FAM222A: variants seen among roughly 807,000 people sequenced by gnomAD.
FAM222A encodes the protein family with sequence similarity 222 member A, also known as protein FAM222A.
A neutral mutation model predicts 25.8 loss-of-function variants in FAM222A; 7 were observed. That is an observed-to-expected ratio of 0.27 (90% CI 0.15 to 0.51). The LOEUF is 0.51. FAM222A is among the 20% of genes least tolerant of loss of function. The probability of loss-of-function intolerance (pLI) is 0.97; values close to 1 mark genes in which losing one functional copy is unlikely to be tolerated. For missense variants in FAM222A, 573 were observed against 640.5 expected (o/e 0.89, Z 1.14); for synonymous variants, 294 against 298.8 (o/e 0.98, Z 0.17).
Position 109,768,896 on chromosome 12 carries a change from C to T in FAM222A, c.967C>T (p.Arg323Trp), listed in dbSNP as rs749051896. ...GGCTTGCGGGGGCCGGGCATACGAG[C>T]GGGCCAGCGGGTCACCCCTCAACTG... ...PEACGGRAYE[R>W]ASGSPLNCGV... The change falls in exon 3 of 3, where the codon CGG becomes TGG. Residue 323 changes from arginine to tryptophan, a missense_variant. Transcript: ENST00000538780. 3.2e-6 allele frequency: 5 copies of T among 1,580,954 alleles called. No homozygotes were observed. Among genetic ancestry groups the T allele is most frequent in the South Asian group, 2.3e-5 (2 of 88,432 alleles).
intron 2 of FAM222A, among the ~76,000 whole-genome samples, chr12:109,767,241 G>C (rs1889079716): frequency 1.3e-5 from 2 of 151,886 alleles, no homozygotes; most frequent in South Asian, 4.2e-4. Context: ...AGAATAGAAA[G>C]GTTGGGCCAG....
intron 1 of FAM222A, among the ~76,000 whole-genome samples, chr12:109,737,317 C>T (rs1046700078): frequency 6.6e-6 from 1 of 152,266 alleles, no homozygotes; most frequent in South Asian, 2.1e-4. Context: ...TGTCACTTTA[C>T]TTTTTGGTCT....
chr12:109,744,065 C>T (rs1441385961), intron 1 of FAM222A, 36 bp from the exon 2 acceptor site: 1 of 1,547,968 alleles, frequency 6.5e-7, no homozygotes, highest in African/African-American at 1.4e-5. Flanking sequence ...ACGGAGCAGC[C>T]CCCAAGTGAC....
intron 1 of FAM222A, among the ~76,000 whole-genome samples, chr12:109,736,212 G>A (rs530054150): frequency 7.2e-5 from 11 of 152,310 alleles, no homozygotes; most frequent in African/African-American, 2.6e-4. Context: ...TTCTCTGTTT[G>A]CTCCTCTCTC....
chr12:109,724,576 G>A (rs1887807668), intron 1 of FAM222A, among the ~76,000 whole-genome samples: 1 of 152,188 alleles, frequency 6.6e-6, no homozygotes, highest in African/African-American at 2.4e-5. Flanking sequence ...CCCGGGGCCT[G>A]CGTGAGCTTC....
At chr12:109,720,072 T>C (rs914938405) in intron 1 of FAM222A, 1 of 985,054 alleles carries the variant, frequency 1.0e-6, no homozygotes, top group Non-Finnish European at 1.2e-6. Context: ...ATGTGCATAG[T>C]GCTTGCAGGG....
intron 2 of FAM222A, among the ~76,000 whole-genome samples, chr12:109,759,859 G>A (rs1888842300): frequency 6.6e-6 from 1 of 152,206 alleles, no homozygotes; most frequent in South Asian, 2.1e-4. Context: ...GGTGGCAGCT[G>A]CAATTATTTA....
At chr12:109,742,537 G>C (rs1888272861) in intron 1 of FAM222A, among the ~76,000 whole-genome samples, 1 of 152,026 alleles carries the variant, frequency 6.6e-6, no homozygotes, top group Non-Finnish European at 1.5e-5. Context: ...TCTGTGTTAA[G>C]GCTGGCGATT....
chr12:109,724,214 G>A (rs1887801147), intron 1 of FAM222A, among the ~76,000 whole-genome samples: 1 of 152,252 alleles, frequency 6.6e-6, no homozygotes, highest in South Asian at 2.1e-4. Context: ...CTTGGCACGT[G>A]CCATGCCATG....
chr12:109,742,511 C>T (rs1446717411), intron 1 of FAM222A, among the ~76,000 whole-genome samples: 1 of 152,094 alleles, frequency 6.6e-6, no homozygotes, highest in African/African-American at 2.4e-5. Flanking sequence ...GTGGATACTG[C>T]AGCTTTTATT....
intron 1 of FAM222A, among the ~76,000 whole-genome samples, chr12:109,723,845 A>G (rs1887794447): frequency 3.3e-5 from 5 of 152,240 alleles, no homozygotes; most frequent in Admixed American, 3.3e-4. Flanking sequence ...GGTTCAGACA[A>G]CTGACAAATC....
At chr12:109,729,034 C>T (rs1887892191) in intron 1 of FAM222A, among the ~76,000 whole-genome samples, 1 of 151,816 alleles carries the variant, frequency 6.6e-6, no homozygotes, top group Non-Finnish European at 1.5e-5. Flanking sequence ...GCCCAGGACA[C>T]CTTGGCCATT....
chr12:109,748,425 T>C (rs1592791307), intron 2 of FAM222A, among the ~76,000 whole-genome samples: 1 of 151,644 alleles, frequency 6.6e-6, no homozygotes, highest in Non-Finnish European at 1.5e-5. Context: ...TCCTTCTTTC[T>C]CTTTGAACAG....
At chr12:109,729,999 A>G (rs1477387879) in intron 1 of FAM222A, among the ~76,000 whole-genome samples, 4 of 152,028 alleles carry the variant, frequency 2.6e-5, no homozygotes, top group African/African-American at 9.6e-5. Flanking sequence ...GGCCACTTCC[A>G]AAGTCCCTGC....
chr12:109,729,692 G>GCGC (rs1295013785), intron 1 of FAM222A, among the ~76,000 whole-genome samples: 1 of 152,260 alleles, frequency 6.6e-6, no homozygotes, highest in Non-Finnish European at 1.5e-5. Flanking sequence ...CTGGGAGACG[G>GCGC]CGCCGCCACC....
At position 109,768,086 on chromosome 12, in the gene FAM222A, G is replaced by C; in HGVS notation, c.157G>C (p.Val53Leu). The change falls in exon 3 of 3, where the codon GTG becomes CTG. Residue 53 changes from valine (V) to leucine (L), a missense_variant. Physicochemically the swap from Val to Leu is conservative, Grantham distance 32. Transcript: ENST00000538780. ...AGAACTGGACGCCTATGCCGAGAAGGTGGCCAACAGCCCGCTGTCCATCAA... is the reference window on the plus strand; with the variant it reads ...AGAACTGGACGCCTATGCCGAGAAGCTGGCCAACAGCCCGCTGTCCATCAA... ...PAELDAYAEK[V>L]ANSPLSIKIF... is the part of the protein sequence containing the mutation. The C allele has an allele frequency of 6.2e-7, 1 of 1,613,904 alleles. No homozygotes were observed. Among genetic ancestry groups the C allele is most frequent in the Non-Finnish European group, 8.5e-7 (1 of 1,180,010 alleles).
At chr12:109,719,517 A>G (rs1887709609) in intron 1 of FAM222A, among the ~76,000 whole-genome samples, 1 of 152,152 alleles carries the variant, frequency 6.6e-6, no homozygotes, top group South Asian at 2.1e-4. Flanking sequence ...CTCTAGAGGG[A>G]GTAAGATGAG....
chr12:109,761,205 C>G lies in FAM222A; in HGVS notation c.83-6807C>G, dbSNP rs1394347614. ...TCTGTGGCTCAGAGTCCACGAATTC[C>G]ACCTGCAGCCCCACCCCCAGATGCT... On this transcript the variant is annotated intron_variant, in intron 2 of 2. Coordinates refer to ENST00000538780, the MANE Select transcript of FAM222A (RefSeq NM_032829.3). Among the ~76,000 whole-genome samples, 17 of 152,290 alleles carry G rather than the reference C, an allele frequency of 1.1e-4. No individual in the cohort carries two copies. In the East Asian group the frequency reaches 3.1e-3, roughly 28 times the overall value.
At chr12:109,723,007 G>C (rs367588175) in intron 1 of FAM222A, among the ~76,000 whole-genome samples, 5 of 150,946 alleles carry the variant, frequency 3.3e-5, no homozygotes, top group Non-Finnish European at 5.9e-5. Flanking sequence ...GCGGGTGGGG[G>C]GGGGAGGGGG....
Sources: gnomAD v4.1 joint callset for allele counts (sites outside exome capture counted in the v4.1 genomes callset) on GRCh38, gnomAD v4.1.1 for gene constraint, MANE v1.5 for transcripts, NCBI Gene and HGNC (gene_info 2026-07-23, HGNC 2026-07-21) for gene names.